ZNF366: variants seen among roughly 807,000 people sequenced by gnomAD.
ZNF366 encodes zinc finger protein 366, also known as dendritic cell-specific transcript protein.
A neutral mutation model predicts 47.2 loss-of-function variants in ZNF366; 20 were observed. That is an observed-to-expected ratio of 0.42 (90% confidence interval 0.30 to 0.62). The LOEUF is 0.62. Ranked by LOEUF, ZNF366 falls within the 20% of genes least tolerant of loss-of-function variation. The pLI is 0.16. For missense variants in ZNF366, 987 were observed against 976.3 expected, an observed-to-expected ratio of 1.01 and a Z score of -0.15; for synonymous variants, 421 against 395.1, an observed-to-expected ratio of 1.07 and a Z score of -0.78.
intron 1 of ZNF366, among the ~76,000 whole-genome samples, chr5:72,497,665 T>C (rs946084436): frequency 6.6e-6 from 1 of 152,178 alleles, no homozygotes; most frequent in Admixed American, 6.5e-5. Context: ...GAGGAGTCAA[T>C]GTTACATTTT....
chr5:72,493,451 A>G (rs1744052733), intron 1 of ZNF366: 1 of 152,240 alleles, frequency 6.6e-6, no homozygotes, highest in Admixed American at 6.5e-5. Context: ...TAGATGAAGG[A>G]AGAAATTTAA....
At chr5:72,458,258 C>T (rs563436711) in intron 2 of ZNF366, among the ~76,000 whole-genome samples, 35 of 152,120 alleles carry the variant, frequency 2.3e-4, no homozygotes, top group Middle Eastern at 6.8e-3. Context: ...CCTTGTGATC[C>T]GCCCGTCTCG....
Position 72,460,406 on chromosome 5 carries a change from T to A in ZNF366, c.1091A>T (p.Glu364Val). Residue 364 changes from glutamate to valine, a missense_variant, in exon 2 of 5, where the codon GAG (glutamate) becomes GTG (valine). Physicochemically the swap from Glu to Val is moderately radical, Grantham distance 121 (BLOSUM62 -2). This residue lies in a region of ZNF366 where 591 missense variants were observed against 560.9 expected (regional missense o/e 1.05). Coordinates refer to ENST00000318442, the MANE Select transcript of ZNF366 (RefSeq NM_152625.3). ...AHEAKHASGRENICVECGLDF... is the reference protein window; with the variant it reads ...AHEAKHASGRVNICVECGLDF... ...GAGGCCGCACTCCACACAGATGTTC[T>A]CGCGCCCACTGGCGTGCTTGGCTTC... 6.2e-7 allele frequency: 1 copy of A among 1,614,242 alleles called. No homozygotes were observed. Among genetic ancestry groups the A allele is most frequent in the Non-Finnish European group, 8.5e-7 (1 of 1,180,046 alleles).
chr5:72,460,677 C>T lies in ZNF366; in HGVS notation c.820G>A (p.Gly274Ser). 3.7e-6 allele frequency: 6 copies of T among 1,614,202 alleles called. No individual in the cohort carries two copies. The highest frequency in any genetic ancestry group is 5.1e-6 in the Non-Finnish European group (6 of 1,180,038). ...SKYNLVTHILGHSGIKPHACT... is the reference protein window; with the variant it reads ...SKYNLVTHILSHSGIKPHACT... ...GCGTGCGGCTTGATCCCACTGTGGC[C>T]CAGGATGTGGGTGACCAGGTTGTAC... The change falls in exon 2 of 5, where the codon GGC becomes AGC. Residue 274 changes from glycine (G) to serine (S), a missense_variant. By Grantham distance (56) the Gly-to-Ser change is moderately conservative (BLOSUM62 0). Transcript: ENST00000318442.
At chr5:72,472,323 C>T (rs145676251) in intron 1 of ZNF366, among the ~76,000 whole-genome samples, 311 of 152,330 alleles carry the variant, frequency 2.0e-3, no homozygotes, top group African/African-American at 7.1e-3. Flanking sequence ...CCTTGACTAA[C>T]ATCAGAAACT....
chr5:72,485,734 A>C (rs1024602793), intron 1 of ZNF366, among the ~76,000 whole-genome samples: 5 of 152,210 alleles, frequency 3.3e-5, no homozygotes, highest in Admixed American at 1.3e-4. Context: ...AGTAAAAGCC[A>C]CAGTCCGCGC....
At chr5:72,495,694 A>G (rs1472558884) in intron 1 of ZNF366, among the ~76,000 whole-genome samples, 2 of 152,314 alleles carry the variant, frequency 1.3e-5, no homozygotes, top group South Asian at 2.1e-4. Context: ...CTCATCCTTA[A>G]AGAAATTCTC....
chr5:72,449,077 C>T (rs1298777575), intron 3 of ZNF366, among the ~76,000 whole-genome samples: 1 of 152,076 alleles, frequency 6.6e-6, no homozygotes, highest in Non-Finnish European at 1.5e-5. Context: ...TGGTCTAATT[C>T]CAACTTTCTC....
At chr5:72,446,584 G>A (rs975518220) in intron 4 of ZNF366, among the ~76,000 whole-genome samples, 6 of 152,216 alleles carry the variant, frequency 3.9e-5, no homozygotes, top group African/African-American at 1.4e-4. Flanking sequence ...CATTAGTTCA[G>A]TGAGGATTCA....
chr5:72,477,092 G>A (rs912652054), intron 1 of ZNF366, among the ~76,000 whole-genome samples: 2 of 152,140 alleles, frequency 1.3e-5, no homozygotes, highest in African/African-American at 4.8e-5. Flanking sequence ...AATGCCATTT[G>A]TCAAAAGGTT....
At chr5:72,475,664 G>A (rs1027498343) in intron 1 of ZNF366, among the ~76,000 whole-genome samples, 1 of 152,172 alleles carries the variant, frequency 6.6e-6, no homozygotes, top group Non-Finnish European at 1.5e-5. Flanking sequence ...CTGATAATAG[G>A]ATATCATGTT....
At chr5:72,451,584 T>G (rs370298557) in intron 3 of ZNF366, among the ~76,000 whole-genome samples, 1 of 152,224 alleles carries the variant, frequency 6.6e-6, no homozygotes, top group Non-Finnish European at 1.5e-5. Flanking sequence ...ATTAGCTCTT[T>G]TTACTATCAT....
Position 72,461,013 on chromosome 5 carries a change from G to A in ZNF366, c.484C>T (p.Pro162Ser). ...QEPIKPSAVW[P>S]QPTPTPFLPT... ...AGGAATGGAGTGGGCGTTGGCTGGG[G>A]CCACACGGCGCTGGGCTTAATGGGT... Residue 162 changes from proline to serine, a missense_variant, in exon 2 of 5, where the codon CCC becomes TCC. Coordinates refer to ENST00000318442, the MANE Select transcript of ZNF366 (RefSeq NM_152625.3). The A allele has an allele frequency of 6.2e-7, 1 of 1,614,096 alleles. No homozygotes were observed. The highest frequency in any genetic ancestry group is 8.5e-7 in the Non-Finnish European group (1 of 1,180,020).
chr5:72,444,207 TGAGA>T lies in ZNF366; in HGVS notation c.1780_1783del (p.Ser594ArgfsTer133). 1 of 1,613,478 alleles carries T rather than the reference TGAGA, an allele frequency of 6.2e-7. No individual in the cohort carries two copies. The highest frequency in any genetic ancestry group is 8.5e-7 in the Non-Finnish European group (1 of 1,180,032). ...CACCGGCACCTTGGCCCGGCGCTTC[TGAGA>T]GAGGTCAAAGGGCTCCTCCTGCTCC... On this transcript the variant is annotated frameshift_variant, in exon 5 of 5. Coordinates refer to ENST00000318442, the MANE Select transcript of ZNF366 (RefSeq NM_152625.3). LOFTEE classifies it low-confidence loss of function (END_TRUNC).
At chr5:72,456,698 G>T in intron 2 of ZNF366, 103 bp from the exon 3 acceptor site, 3 of 1,201,628 alleles carry the variant, frequency 2.5e-6, no homozygotes, top group Non-Finnish European at 3.4e-6. Context: ...TCCACAAAGA[G>T]CTTGGTGATA....
chr5:72,483,453 C>T (rs1475865492), intron 1 of ZNF366, among the ~76,000 whole-genome samples: 4 of 152,066 alleles, frequency 2.6e-5, no homozygotes, highest in African/African-American at 7.2e-5. Context: ...GTCACATTCC[C>T]TCTGAGATCC....
chr5:72,463,724 G>A (rs190974894), intron 1 of ZNF366, among the ~76,000 whole-genome samples: 80 of 152,366 alleles, frequency 5.3e-4, no homozygotes, highest in Admixed American at 1.4e-3. Flanking sequence ...CCAGCAGGAG[G>A]ATGGGGAAAC....
At chr5:72,451,088 G>A (rs1743060063) in intron 3 of ZNF366, among the ~76,000 whole-genome samples, 1 of 152,270 alleles carries the variant, frequency 6.6e-6, no homozygotes, top group Admixed American at 6.5e-5. Context: ...AGCTAAGAGT[G>A]TGCCCAAGCA....
chr5:72,483,969 G>T (rs1226159739), intron 1 of ZNF366, among the ~76,000 whole-genome samples: 6 of 152,016 alleles, frequency 3.9e-5, no homozygotes, highest in Admixed American at 3.9e-4. Flanking sequence ...AACTATGAAA[G>T]TAGACAGAAT....
Sources: gnomAD v4.1 joint callset for allele counts (sites outside exome capture counted in the v4.1 genomes callset) on GRCh38, gnomAD v4.1.1 for gene constraint, gnomAD v4.1.1 regional missense constraint, MANE v1.5 for transcripts, NCBI Gene and HGNC (gene_info 2026-07-23, HGNC 2026-07-21) for gene names.